Variants in RGS3 observed in about 807,000 individuals in gnomAD.
RGS3 encodes the protein regulator of G protein signaling 3.
In RGS3, 80 loss-of-function variants were observed where a neutral mutation model predicts 132.6. The ratio of observed to expected loss-of-function variants is 0.60; its 90% confidence interval spans 0.50 to 0.73. RGS3 has a LOEUF of 0.73. RGS3 is among the 30% of genes least tolerant of loss of function. The pLI, the probability that RGS3 is intolerant of heterozygous loss-of-function variation, is 0.00. For missense variants in RGS3, 1,382 were observed against 1,530.8 expected (o/e 0.90, Z 1.62); for synonymous variants, 598 against 620.6 (o/e 0.96, Z 0.54).
At chr9:113,571,002 G>A (rs560998989) in intron 19 of RGS3, among the ~76,000 whole-genome samples, 16 of 152,230 alleles carry the variant, frequency 1.1e-4, no homozygotes, top group Admixed American at 1.0e-3. Flanking sequence ...GGAATCATTG[G>A]GTACATATTA....
intron 21 of RGS3, chr9:113,593,936 C>T: frequency 1.2e-6 from 2 of 1,611,366 alleles, no homozygotes; most frequent in Non-Finnish European, 1.7e-6. Flanking sequence ...ACGAGGAGGC[C>T]AGTCACAAAT....
At chr9:113,583,973 T>G (rs1349355049) in exon 20 of RGS3, 8 of 1,614,018 alleles carry the variant, frequency 5.0e-6, no homozygotes, top group Non-Finnish European at 5.1e-6. Flanking sequence ...AGGCCAGCCT[T>G]CGTGATCCCT....
chr9:113,515,616 G>A (rs1314016399), intron 15 of RGS3, among the ~76,000 whole-genome samples: 2 of 152,012 alleles, frequency 1.3e-5, no homozygotes, highest in Non-Finnish European at 2.9e-5. Flanking sequence ...GGGAGACAGA[G>A]TGAGACTCTG....
At chr9:113,453,026 A>T (rs1829286232) in intron 1 of RGS3, among the ~76,000 whole-genome samples, 2 of 131,364 alleles carry the variant, frequency 1.5e-5, no homozygotes, top group Admixed American at 1.7e-4. Flanking sequence ...TTTTATATAT[A>T]ATATATAATA....
intron 3 of RGS3, among the ~76,000 whole-genome samples, chr9:113,467,342 C>T (rs565139796): frequency 7.2e-4 from 110 of 152,262 alleles, no homozygotes; most frequent in Middle Eastern, 3.4e-3. Context: ...TTTATGTTCC[C>T]ATCAGCTGTG....
chr9:113,554,512 G>A (rs1833486329), intron 19 of RGS3, among the ~76,000 whole-genome samples: 1 of 152,202 alleles, frequency 6.6e-6, no homozygotes, highest in South Asian at 2.1e-4. Flanking sequence ...TCACCATGTT[G>A]GCCAGGCTGG....
chr9:113,581,543 C>G (rs1392164291), intron 19 of RGS3: 2 of 152,258 alleles, frequency 1.3e-5, no homozygotes, highest in African/African-American at 4.8e-5. Context: ...AACTCCAACA[C>G]CACCATCTTC....
intron 3 of RGS3, among the ~76,000 whole-genome samples, chr9:113,476,834 G>A (rs1331956622): frequency 1.3e-5 from 2 of 152,216 alleles, no homozygotes; most frequent in South Asian, 2.1e-4. Context: ...TGACTTCTGG[G>A]CAAAGGGCCA....
chr9:113,515,137 C>T (rs1379918939), intron 15 of RGS3, among the ~76,000 whole-genome samples: 5 of 152,244 alleles, frequency 3.3e-5, no homozygotes, highest in East Asian at 3.9e-4. Flanking sequence ...TATTCTCCAA[C>T]GTCAAACAAA....
intron 7 of RGS3, among the ~76,000 whole-genome samples, chr9:113,493,990 G>C (rs772145143): frequency 1.3e-5 from 2 of 152,030 alleles, no homozygotes; most frequent in Non-Finnish European, 2.9e-5. Context: ...TCAGCTATGT[G>C]GGTCCTTCAG....
At chr9:113,448,727 A>G (rs1829173468) in intron 1 of RGS3, among the ~76,000 whole-genome samples, 1 of 152,156 alleles carries the variant, frequency 6.6e-6, no homozygotes, top group Non-Finnish European at 1.5e-5. Context: ...GTGCTTAATA[A>G]TATATGTTGA....
chr9:113,488,604 A>G (rs954093688), intron 7 of RGS3, among the ~76,000 whole-genome samples: 1 of 152,186 alleles, frequency 6.6e-6, no homozygotes, highest in Non-Finnish European at 1.5e-5. Flanking sequence ...CATGCCCTTC[A>G]TGGCTTTTGG....
chr9:113,533,316 C>T (rs966287845), intron 18 of RGS3, among the ~76,000 whole-genome samples: 2 of 151,794 alleles, frequency 1.3e-5, no homozygotes, highest in African/African-American at 4.8e-5. Context: ...CTGCAACATC[C>T]GCCTCCTGGG....
At chr9:113,491,795 C>T (rs1422806522) in intron 7 of RGS3, among the ~76,000 whole-genome samples, 3 of 152,206 alleles carry the variant, frequency 2.0e-5, no homozygotes, top group Non-Finnish European at 4.4e-5. Flanking sequence ...CTCAAGTGAT[C>T]TGCCTGCCTT....
chr9:113,594,090 C>G (rs1193187956), intron 21 of RGS3: 10 of 1,613,086 alleles, frequency 6.2e-6, no homozygotes, highest in Non-Finnish European at 8.5e-6. Context: ...CCTGGCTCCT[C>G]CTGTCTGAGT....
intron 4 of RGS3, among the ~76,000 whole-genome samples, chr9:113,480,575 T>C (rs1830128932): frequency 6.6e-6 from 1 of 151,946 alleles, no homozygotes; most frequent in Admixed American, 6.5e-5. Flanking sequence ...TAGATGGTGT[T>C]GATGGGATGC....
chr9:113,461,823 G>A (rs1309171913), exon 2 of RGS3: 1 of 1,614,172 alleles, frequency 6.2e-7, no homozygotes, highest in Admixed American at 1.7e-5. Flanking sequence ...CCCTTTGGGA[G>A]GAGGCTCTAC....
At chr9:113,543,696 A>G (rs982736690) in intron 19 of RGS3, among the ~76,000 whole-genome samples, 5 of 152,214 alleles carry the variant, frequency 3.3e-5, no homozygotes, top group Admixed American at 2.6e-4. Context: ...ACCTCTGTCT[A>G]CCAGACAGGT....
chr9:113,594,948 G>T lies in RGS3; in HGVS notation c.3212G>T (p.Gly1071Val), dbSNP rs1835683208. 5.0e-6 allele frequency: 8 copies of T among 1,613,996 alleles called. No individual in the cohort carries two copies. The South Asian group carries it at 8.8e-5, about 18-fold the overall frequency. Residue 1071 changes from glycine (G) to valine (V), a missense_variant, in exon 23 of 25, where the codon GGC becomes GTC. Physicochemically the swap from Gly to Val is moderately radical, Grantham distance 109 (BLOSUM62 -3). Transcript: ENST00000350696. ...ACCTCAGAGGAAGCCCTCAAGTGGGGCGAGTCCTTGGAGAAGCTGCTGGTT... is the reference window on the plus strand; with the variant it reads ...ACCTCAGAGGAAGCCCTCAAGTGGGTCGAGTCCTTGGAGAAGCTGCTGGTT...
Sources: allele counts gnomAD v4.1 joint callset (sites outside exome capture counted in the v4.1 genomes callset), GRCh38; gene constraint gnomAD v4.1.1; transcripts MANE v1.5; gene names NCBI Gene and HGNC (gene_info 2026-07-23, HGNC 2026-07-21).